Variants in ABCB5 observed in about 807,000 individuals in gnomAD.
ABCB5 encodes ATP-binding cassette sub-family B member 5.
Under a neutral mutation model 144.2 loss-of-function variants are expected in ABCB5, and 155 were observed. The observed-to-expected ratio is 1.08, with a 90% CI of 0.94 to 1.23. The LOEUF (loss-of-function observed/expected upper bound fraction) is 1.23. Ranked by LOEUF, ABCB5 falls within the 50% of genes most tolerant of loss-of-function variation. The pLI, the probability that ABCB5 is intolerant of heterozygous loss-of-function variation, is 0.00. For missense variants in ABCB5, 1,830 were observed against 1,520.8 expected (o/e 1.20, Z -3.38); for synonymous variants, 610 against 528.6 (o/e 1.15, Z -2.11).
At chr7:20,665,884 G>A (rs1785174600) in intron 14 of ABCB5, among the ~76,000 whole-genome samples, 5 of 144,388 alleles carry the variant, frequency 3.5e-5, no homozygotes, top group Admixed American at 2.1e-4. Context: ...AAAAAAAAAT[G>A]TTGGGCCGGG....
chr7:20,754,708 C>T (rs373998192), intron 27 of ABCB5, among the ~76,000 whole-genome samples: 19 of 152,234 alleles, frequency 1.2e-4, no homozygotes, highest in African/African-American at 4.6e-4. Context: ...AGGTATACTA[C>T]TTAGAAATAC....
intron 26 of ABCB5, among the ~76,000 whole-genome samples, chr7:20,747,893 C>T (rs1026998047): frequency 6.6e-6 from 1 of 152,048 alleles, no homozygotes; most frequent in Non-Finnish European, 1.5e-5. Context: ...TCGGTTAGTA[C>T]CCTGGGGAGA....
rs1784894270 is a variant in ABCB5 at position 20,658,646 on chromosome 7, C to T, written c.1677C>T (p.Ser559=). ...DEATSALDSE[S]KSAVQAALEK... ...CTACGTCTGCCCTGGATTCAGAAAG[C>T]AAGTCAGCTGTTCAAGCTGCACTGG... The change falls in exon 14 of 28, where the codon AGC becomes AGT. Residue 559 remains serine (S), a synonymous_variant. Transcript: ENST00000404938. 1.9e-6 allele frequency: 3 copies of T among 1,614,022 alleles called. No individual in the cohort carries two copies. Among genetic ancestry groups the T allele is most frequent in the African/African-American group, 2.7e-5 (2 of 74,914 alleles).
intron 20 of ABCB5, 56 bp downstream of exon 20, chr7:20,704,863 A>G: frequency 7.5e-7 from 1 of 1,337,086 alleles, no homozygotes; most frequent in South Asian, 1.2e-5. Context: ...CACACATGCA[A>G]TGCACACATG....
intron 23 of ABCB5, among the ~76,000 whole-genome samples, chr7:20,733,753 C>G (rs941172609): frequency 1.3e-5 from 2 of 152,188 alleles, no homozygotes; most frequent in Non-Finnish European, 1.5e-5. Context: ...ATTCTCCCAC[C>G]TCAGCCTCCT....
intron 14 of ABCB5, among the ~76,000 whole-genome samples, chr7:20,670,466 C>A (rs184128492): frequency 6.6e-6 from 1 of 151,854 alleles, no homozygotes; most frequent in East Asian, 1.9e-4. Flanking sequence ...ACTGAGGCAA[C>A]CTTCTGGAAG....
chr7:20,747,068 T>G (rs2128056483), intron 26 of ABCB5, among the ~76,000 whole-genome samples: 1 of 152,268 alleles, frequency 6.6e-6, no homozygotes, highest in South Asian at 2.1e-4. Context: ...CTGGTAAGGG[T>G]TTGCAGTACT....
intron 14 of ABCB5, among the ~76,000 whole-genome samples, chr7:20,664,344 G>A (rs1785103470): frequency 6.6e-6 from 1 of 152,108 alleles, no homozygotes; most frequent in African/African-American, 2.4e-5. Flanking sequence ...GTTCCTGTAA[G>A]TTGTTTATTT....
At chr7:20,750,849 CA>C (rs1782902020) in intron 26 of ABCB5, among the ~76,000 whole-genome samples, 1 of 152,152 alleles carries the variant, frequency 6.6e-6, no homozygotes, top group Non-Finnish European at 1.5e-5. Flanking sequence ...ATCCCACAGG[CA>C]TTTGGAAATA....
intron 14 of ABCB5, chr7:20,660,538 C>T (rs903310982): frequency 2.1e-6 from 1 of 478,986 alleles, no homozygotes; most frequent in South Asian, 9.2e-5. Context: ...AGTTCAAATA[C>T]AGGCAGGGTG....
intron 14 of ABCB5, among the ~76,000 whole-genome samples, chr7:20,672,914 T>C (rs1785494990): frequency 6.6e-6 from 1 of 152,166 alleles, no homozygotes; most frequent in Non-Finnish European, 1.5e-5. Context: ...GAGTTTATTC[T>C]TCTCTTTTGT....
chr7:20,645,008 A>C (rs1784371356), intron 7 of ABCB5, among the ~76,000 whole-genome samples: 1 of 152,228 alleles, frequency 6.6e-6, no homozygotes, highest in African/African-American at 2.4e-5. Flanking sequence ...AGAGAAGTAA[A>C]TGAGGAGTTG....
At chr7:20,623,997 A>G (rs1783855213) in intron 2 of ABCB5, among the ~76,000 whole-genome samples, 2 of 152,234 alleles carry the variant, frequency 1.3e-5, no homozygotes, top group South Asian at 2.1e-4. Context: ...CTTAGGCTAA[A>G]GCAAATTCCA....
chr7:20,668,519 C>A (rs1450469965), intron 14 of ABCB5, among the ~76,000 whole-genome samples: 2 of 151,676 alleles, frequency 1.3e-5, no homozygotes, highest in African/African-American at 2.4e-5. Flanking sequence ...GGAGCCCCTC[C>A]GTCCGGCAGC....
rs201430407 is a variant in ABCB5, at chr7:20,710,384, G to GAA, written c.2421+5577_2421+5578insAA. 9.3e-4 allele frequency among the ~76,000 whole-genome samples: 81 copies of GAA among 87,294 alleles called. 8 individuals are homozygous for GAA. The highest frequency in any genetic ancestry group is 3.7e-3 in the African/African-American group (78 of 21,354). The allele number at this position is 87,294 out of a possible 152,430, so 57.3% of individuals were successfully genotyped here. ...CTCCACCTCAAAAAAAAAAAAAAGT[G>GAA]GGGGGGGGGCATGACTGTGTTTCAA... On this transcript the variant is annotated intron_variant, in intron 20 of 27. Coordinates refer to ENST00000404938, the MANE Select transcript of ABCB5 (RefSeq NM_001163941.2).
Position 20,658,735 on chromosome 7 carries a change from A to C in ABCB5, c.1707+59A>C. 5.7e-6 allele frequency: 9 copies of C among 1,575,354 alleles called. No homozygotes were observed. In the South Asian group the frequency reaches 1.0e-4, roughly 18 times the overall value. ...TCCTGGTTCATTATTGTTTTGAAGT[A>C]CAAGAAAGTATAGATCTGTAATAGA... On this transcript the variant is annotated intron_variant, in intron 14 of 27. Transcript: ENST00000404938.
rs1583375726 is a variant in ABCB5 at position 20,626,496 on chromosome 7, G to C, written c.54-61G>C. The C allele has an allele frequency of 2.0e-6, 3 of 1,496,858 alleles. No individual in the cohort carries two copies. The East Asian group carries it at 7.3e-5, about 37-fold the overall frequency. The allele number at this position is 1,496,858 out of a possible 1,614,324, so 92.7% of individuals were successfully genotyped here. A position where few individuals can be genotyped will look rare whatever the true frequency, so the allele number is the denominator to read the frequency against. ...CTGACACTTCTGCAAACTATTAATG[G>C]AAAAATTTTGCAAATTATATTCACA... On this transcript the variant is annotated intron_variant, in intron 2 of 27. Transcript: ENST00000404938.
intron 13 of ABCB5, among the ~76,000 whole-genome samples, chr7:20,652,534 C>G (rs188619938): frequency 1.1e-4 from 16 of 152,130 alleles, no homozygotes; most frequent in African/African-American, 3.6e-4. Context: ...CGCACCACTG[C>G]GCTCCAACCT....
In ABCB5 at chr7:20,711,202, T is replaced by C. The variant is rs537880852; in HGVS notation, c.2421+6395T>C. On this transcript the variant is annotated intron_variant, in intron 20 of 27. Transcript: ENST00000404938. Reference sequence around the variant, plus strand: ...TTTATTAAAGAATTTTAAATAAATATGTAAAGTCCTATGTATTTACTCACG... The same window carrying C: ...TTTATTAAAGAATTTTAAATAAATACGTAAAGTCCTATGTATTTACTCACG... Among the ~76,000 whole-genome samples, 117 of 149,872 alleles carry C rather than the reference T, an allele frequency of 7.8e-4. 10 individuals are homozygous for C. The highest frequency in any genetic ancestry group is 2.8e-3 in the African/African-American group (113 of 40,628).
Sources: gnomAD v4.1 joint callset for allele counts (sites outside exome capture counted in the v4.1 genomes callset) on GRCh38, gnomAD v4.1.1 for gene constraint, MANE v1.5 for transcripts, NCBI Gene and HGNC (gene_info 2026-07-23, HGNC 2026-07-21) for gene names.